MKLN1: variants seen among roughly 807,000 people sequenced by gnomAD.
MKLN1 encodes muskelin 1.
MKLN1 carries 18 observed loss-of-function variants against 99.0 expected under a neutral mutation model. The observed-to-expected ratio is 0.18, with a 90% CI of 0.13 to 0.27. MKLN1 has a LOEUF of 0.27. Among genes scored for constraint, MKLN1 ranks in the 10% least tolerant of loss-of-function variants. The pLI, the probability that MKLN1 is intolerant of heterozygous loss-of-function variation, is 1.00. For synonymous variants in MKLN1, 288 were observed against 293.2 expected (o/e 0.98, Z 0.18); for missense variants, 621 against 875.9 (o/e 0.71, Z 3.67).
intron 6 of MKLN1, among the ~76,000 whole-genome samples, chr7:131,401,016 A>T (rs1417847835): frequency 6.6e-6 from 1 of 152,132 alleles, no homozygotes; most frequent in Non-Finnish European, 1.5e-5. Flanking sequence ...TTTGTTGGAC[A>T]AATAAGGAAG....
chr7:131,336,876 T>G (rs1799265169), intron 1 of MKLN1, among the ~76,000 whole-genome samples: 2 of 152,298 alleles, frequency 1.3e-5, no homozygotes, highest in Non-Finnish European at 2.9e-5. Flanking sequence ...GAGATTAATT[T>G]TCCTCTGTCT....
At chr7:131,156,936 A>G (rs567156611) in intron 2 of MKLN1, among the ~76,000 whole-genome samples, 2 of 152,296 alleles carry the variant, frequency 1.3e-5, no homozygotes, top group East Asian at 3.9e-4. Flanking sequence ...TAAGAATGTC[A>G]GACTCAAGAT....
At chr7:131,346,945 A>G (rs560512506) in intron 1 of MKLN1, among the ~76,000 whole-genome samples, 2 of 152,362 alleles carry the variant, frequency 1.3e-5, no homozygotes, top group East Asian at 3.8e-4. Context: ...AAAAATTGAA[A>G]TGGAGGCTAG....
intron 2 of MKLN1, among the ~76,000 whole-genome samples, chr7:131,201,505 G>T (rs1435977712): frequency 6.6e-6 from 1 of 152,144 alleles, no homozygotes; most frequent in East Asian, 1.9e-4. Flanking sequence ...CAAGAAGAAG[G>T]CTACTACTTC....
chr7:131,398,706 A>G (rs537146709), intron 5 of MKLN1, among the ~76,000 whole-genome samples: 20 of 152,264 alleles, frequency 1.3e-4, no homozygotes, highest in African/African-American at 4.1e-4. Flanking sequence ...AAGAAAGAAA[A>G]AAAAAAAGAT....
At chr7:131,483,857 A>G (rs1797193347) in intron 17 of MKLN1, among the ~76,000 whole-genome samples, 1 of 152,248 alleles carries the variant, frequency 6.6e-6, no homozygotes, top group Non-Finnish European at 1.5e-5. Context: ...TGCAATGACC[A>G]CAGAAATACC....
chr7:131,158,709 G>C (rs1352086607), intron 2 of MKLN1, among the ~76,000 whole-genome samples: 2 of 152,052 alleles, frequency 1.3e-5, no homozygotes, highest in Non-Finnish European at 2.9e-5. Context: ...TTATGAAAAG[G>C]ACTGAGCACA....
At chr7:131,264,297 C>T (rs1355319428) in intron 3 of MKLN1, among the ~76,000 whole-genome samples, 1 of 152,080 alleles carries the variant, frequency 6.6e-6, no homozygotes, top group Non-Finnish European at 1.5e-5. Context: ...CTTTAGATTA[C>T]CGAATAAAAA....
intron 1 of MKLN1, among the ~76,000 whole-genome samples, chr7:131,366,763 G>C (rs764886705): frequency 6.6e-6 from 1 of 152,190 alleles, no homozygotes; most frequent in Admixed American, 6.5e-5. Flanking sequence ...AGTGAGCTAA[G>C]ATTGCACCAC....
chr7:131,380,650 G>C (rs764600402), intron 2 of MKLN1, among the ~76,000 whole-genome samples: 1 of 152,168 alleles, frequency 6.6e-6, no homozygotes, highest in African/African-American at 2.4e-5. Flanking sequence ...CTAATAAGCT[G>C]TTATGTGACC....
At chr7:131,331,395 C>G (rs893567455) in intron 1 of MKLN1, among the ~76,000 whole-genome samples, 4 of 152,172 alleles carry the variant, frequency 2.6e-5, no homozygotes, top group African/African-American at 9.7e-5. Context: ...ATAGTCTTCA[C>G]AAAAACCCTA....
intron 8 of MKLN1, among the ~76,000 whole-genome samples, chr7:131,422,579 C>T (rs1463048199): frequency 6.6e-6 from 1 of 152,080 alleles, no homozygotes; most frequent in Non-Finnish European, 1.5e-5. Flanking sequence ...AAAAAGAACA[C>T]CTTCACTAGA....
chr7:131,280,332 GAATTCCTGAGT>G (rs1798033054), intron 3 of MKLN1, among the ~76,000 whole-genome samples: 1 of 152,190 alleles, frequency 6.6e-6, no homozygotes, highest in African/African-American at 2.4e-5. Flanking sequence ...GCTAGGAGTA[GAATTCCTGAGT>G]AATTTGGTAA....
chr7:131,135,995 A>G (rs138678195), intron 1 of MKLN1, among the ~76,000 whole-genome samples: 173 of 152,310 alleles, frequency 1.1e-3, no homozygotes, highest in Non-Finnish European at 1.9e-3. Context: ...AAGGGAATTC[A>G]GGTGGGATTA....
intron 14 of MKLN1, among the ~76,000 whole-genome samples, chr7:131,464,885 G>A (rs1454820063): frequency 6.6e-6 from 1 of 152,110 alleles, no homozygotes; most frequent in Non-Finnish European, 1.5e-5. Context: ...TGAATTTTTA[G>A]TGTCATAGTG....
At chr7:131,414,243 C>G (rs1011415093) in intron 7 of MKLN1, among the ~76,000 whole-genome samples, 15 of 152,244 alleles carry the variant, frequency 9.9e-5, no homozygotes, top group African/African-American at 3.4e-4. Flanking sequence ...GACTTTAAAA[C>G]TGCTCATCAT....
At chr7:131,203,944 T>C (rs1299251926) in intron 3 of MKLN1, among the ~76,000 whole-genome samples, 1 of 152,160 alleles carries the variant, frequency 6.6e-6, no homozygotes, top group African/African-American at 2.4e-5. Context: ...CGAAGAACAC[T>C]GAAAAACTAT....
rs115582221 is a variant in MKLN1, at chr7:131,384,774, A to G, written c.169-2346A>G. On this transcript the variant is annotated intron_variant, in intron 2 of 17. Transcript: ENST00000352689. ...GCTACTACTGTGAATGAGCTAATGCATGTAAAAGTCTCAGCAATGTGCCAA... is the reference window on the plus strand; with the variant it reads ...GCTACTACTGTGAATGAGCTAATGCGTGTAAAAGTCTCAGCAATGTGCCAA... Among the ~76,000 whole-genome samples the G allele has an allele frequency of 6.8e-3, 1,034 of 152,348 alleles. 9 individuals are homozygous for G. Among genetic ancestry groups the G allele is most frequent in the African/African-American group, 0.024 (1,004 of 41,576 alleles).
Position 131,120,292 on chromosome 7 carries a change from G to A in MKLN1, c.-419+10085G>A, listed in dbSNP as rs1204198197. Among the ~76,000 whole-genome samples the A allele has an allele frequency of 2.6e-5, 4 of 151,866 alleles. No homozygotes were observed. In the South Asian group the frequency reaches 6.2e-4, roughly 24 times the overall value. ...TGTAATCCCAGCACTTTGGGAGGCC[G>A]AGGCGGGTGGATCACGAGGTCAGAA... On this transcript the variant is annotated intron_variant, in intron 1 of 7. Transcript: ENST00000416992.
Sources: allele counts gnomAD v4.1 joint callset (sites outside exome capture counted in the v4.1 genomes callset), GRCh38; gene constraint gnomAD v4.1.1; transcripts MANE v1.5; gene names NCBI Gene and HGNC (gene_info 2026-07-23, HGNC 2026-07-21).